The following MSRA variants were observed in gnomAD, a reference collection of about 807,000 sequenced individuals.
The protein encoded by MSRA is mitochondrial peptide methionine sulfoxide reductase.
Under a neutral mutation model 31.3 loss-of-function variants are expected in MSRA, and 54 were observed. The observed-to-expected ratio is 1.73, with a 90% confidence interval of 1.39 to 2.17. The LOEUF (loss-of-function observed/expected upper bound fraction) is 2.17. Ranked by LOEUF, MSRA falls within the 30% of genes most tolerant of loss-of-function variation. The pLI, the probability that MSRA is intolerant of heterozygous loss-of-function variation, is 0.00. For synonymous variants in MSRA, 169 were observed against 116.5 expected, an observed-to-expected ratio of 1.45 and a Z score of -2.90; for missense variants, 507 against 300.9, an observed-to-expected ratio of 1.69 and a Z score of -5.07.
At chr8:10,300,248 C>G (rs369134849) in intron 3 of MSRA, among the ~76,000 whole-genome samples, 1 of 151,684 alleles carries the variant, frequency 6.6e-6, no homozygotes, top group Non-Finnish European at 1.5e-5. Context: ...TTTGTATTTT[C>G]TTTTTTCTTT....
chr8:10,339,684 G>A (rs755084197), intron 5 of MSRA, among the ~76,000 whole-genome samples: 1 of 151,894 alleles, frequency 6.6e-6, no homozygotes, highest in Non-Finnish European at 1.5e-5. Context: ...TGGGGCTACA[G>A]GTGCCTGCCA....
At chr8:10,405,488 T>A (rs1807748801) in intron 5 of MSRA, among the ~76,000 whole-genome samples, 1 of 152,178 alleles carries the variant, frequency 6.6e-6, no homozygotes, top group African/African-American at 2.4e-5. Flanking sequence ...GAATAAAATG[T>A]GAGTTACATG....
At chr8:10,401,104 T>TA (rs61080777) in intron 5 of MSRA, among the ~76,000 whole-genome samples, 136,024 of 150,316 alleles carry the variant, frequency 0.9, 62,685 homozygotes, top group East Asian at 1. Flanking sequence ...ATCAAGAATA[T>TA]AAAAAAAAAC....
intron 1 of MSRA, among the ~76,000 whole-genome samples, chr8:10,072,490 G>T (rs897650014): frequency 7.9e-5 from 12 of 152,112 alleles, no homozygotes; most frequent in African/African-American, 2.9e-4. Flanking sequence ...ACATTGTCAT[G>T]CTGTCTTGGT....
chr8:10,357,452 TAC>T (rs1461186011), intron 5 of MSRA, among the ~76,000 whole-genome samples: 3 of 152,240 alleles, frequency 2.0e-5, no homozygotes, highest in Non-Finnish European at 2.9e-5. Flanking sequence ...CTCATGGATT[TAC>T]ACACATTTGA....
chr8:10,337,464 C>A, intron 5 of MSRA: 1 of 467,556 alleles, frequency 2.1e-6, no homozygotes, highest in Non-Finnish European at 3.8e-6. Context: ...CAGGCGTGAG[C>A]CACCACGCCC....
At chr8:10,203,196 C>T (rs1464924237) in intron 1 of MSRA, among the ~76,000 whole-genome samples, 1 of 152,188 alleles carries the variant, frequency 6.6e-6, no homozygotes. Context: ...CCAATTCATG[C>T]AGTATTTCTG....
At chr8:10,091,786 T>C (rs1167965128) in intron 1 of MSRA, among the ~76,000 whole-genome samples, 6 of 152,134 alleles carry the variant, frequency 3.9e-5, no homozygotes, top group Non-Finnish European at 8.8e-5. Flanking sequence ...TTTGTAGTTT[T>C]AGTAGAGGTG....
chr8:10,321,856 A>G (rs910417483), intron 5 of MSRA, among the ~76,000 whole-genome samples: 1 of 152,148 alleles, frequency 6.6e-6, no homozygotes, highest in Admixed American at 6.5e-5. Flanking sequence ...TGACAGTTTG[A>G]TTACAGCGTC....
At chr8:10,152,056 C>G (rs1339618179) in intron 1 of MSRA, among the ~76,000 whole-genome samples, 2 of 152,178 alleles carry the variant, frequency 1.3e-5, no homozygotes, top group Admixed American at 6.5e-5. Flanking sequence ...GTACACACCT[C>G]CACTCTGAAA....
intron 5 of MSRA, among the ~76,000 whole-genome samples, chr8:10,340,255 G>A (rs769203456): frequency 4.6e-5 from 7 of 151,998 alleles, no homozygotes; most frequent in Admixed American, 1.3e-4. Context: ...CCAGGTGTCC[G>A]TGCTTTTATG....
chr8:10,155,002 T>TGTATATATATATATATATATATATATATA (rs1554468813), intron 1 of MSRA, among the ~76,000 whole-genome samples: 1 of 123,900 alleles, frequency 8.1e-6, no homozygotes. Context: ...TGTATATATT[T>TGTATATATATATATATATATATATATATA]TATATATATA....
intron 5 of MSRA, among the ~76,000 whole-genome samples, chr8:10,390,224 A>G (rs981925961): frequency 3.3e-5 from 5 of 152,180 alleles, no homozygotes; most frequent in African/African-American, 1.2e-4. Context: ...CTCTGAGGGG[A>G]TGGGGCCTCC....
chr8:10,334,748 G>T (rs1257185115), intron 5 of MSRA, among the ~76,000 whole-genome samples: 1 of 152,212 alleles, frequency 6.6e-6, no homozygotes, highest in Non-Finnish European at 1.5e-5. Context: ...TGTATTTAGC[G>T]CTTAAAGGGC....
intron 3 of MSRA, among the ~76,000 whole-genome samples, chr8:10,258,019 C>T (rs1177228055): frequency 6.6e-6 from 1 of 152,134 alleles, no homozygotes; most frequent in Non-Finnish European, 1.5e-5. Context: ...TTAGTCGTTT[C>T]CAAGTGCATG....
At chr8:10,419,111 C>G (rs1221005674) in intron 5 of MSRA, among the ~76,000 whole-genome samples, 2 of 152,192 alleles carry the variant, frequency 1.3e-5, no homozygotes, top group Admixed American at 6.5e-5. Context: ...TAGGCATCAG[C>G]ATCTCTAGAG....
intron 3 of MSRA, 116 bp downstream of exon 3, chr8:10,245,339 T>C: frequency 1.0e-6 from 1 of 995,162 alleles, no homozygotes. Flanking sequence ...GTTTCTTCAA[T>C]CTTTATTATT....
chr8:10,184,241 T>C (rs1425269713), intron 1 of MSRA, among the ~76,000 whole-genome samples: 2 of 152,030 alleles, frequency 1.3e-5, no homozygotes, highest in Non-Finnish European at 2.9e-5. Context: ...GTTGTGTTGA[T>C]GATTTTGGTG....
rs139508260 is a variant in MSRA, at chr8:10,422,987, T to G, written c.544-5161T>G. Among the ~76,000 whole-genome samples, 438 of 152,328 alleles carry G rather than the reference T, an allele frequency of 2.9e-3. 3 individuals are homozygous for G. Among genetic ancestry groups the G allele is most frequent in the South Asian group, 0.014 (69 of 4,828 alleles). ...TCTTGAGGCCGGAGCGCCACTGCCCTGCCTCCCTCTGTCCAGCACAGTGTT... is the reference window on the plus strand; with the variant it reads ...TCTTGAGGCCGGAGCGCCACTGCCCGGCCTCCCTCTGTCCAGCACAGTGTT... On this transcript the variant is annotated intron_variant, in intron 5 of 5. Coordinates refer to ENST00000317173, the MANE Select transcript of MSRA (RefSeq NM_012331.5).
Sources: allele counts gnomAD v4.1 joint callset (sites outside exome capture counted in the v4.1 genomes callset), GRCh38; gene constraint gnomAD v4.1.1; transcripts MANE v1.5; gene names NCBI Gene and HGNC (gene_info 2026-07-23, HGNC 2026-07-21).